The following INTS13 variants were observed in gnomAD, a reference collection of about 807,000 sequenced individuals.
The protein encoded by INTS13 is asunder, spermatogenesis regulator homolog (Drosphila).
Under a neutral mutation model 90.2 loss-of-function variants are expected in INTS13, and 35 were observed. The observed-to-expected ratio is 0.39, with a 90% confidence interval of 0.30 to 0.51. The LOEUF is 0.51. Among genes scored for constraint, INTS13 ranks in the 20% least tolerant of loss-of-function variants. The pLI is 0.80. For synonymous variants in INTS13, 309 were observed against 277.1 expected (o/e 1.11, Z -1.14); for missense variants, 601 against 851.2 (o/e 0.71, Z 3.66).
chr12:26,919,740 T>C (rs886579306), intron 8 of INTS13, among the ~76,000 whole-genome samples: 6 of 150,860 alleles, frequency 4.0e-5, no homozygotes, highest in African/African-American at 1.5e-4. Flanking sequence ...ACAGACTAGT[T>C]CAGGTGGCAA....
At chr12:26,905,969 T>C (rs1288555119) in intron 16 of INTS13, among the ~76,000 whole-genome samples, 1 of 152,212 alleles carries the variant, frequency 6.6e-6, no homozygotes, top group Non-Finnish European at 1.5e-5. Context: ...TCAATATTCT[T>C]AATATTGTAT....
At position 26,928,294 on chromosome 12, in the gene INTS13, T is replaced by A. The variant is rs767136321; in HGVS notation, c.504-9A>T. 1 of 1,599,314 alleles carries A rather than the reference T, an allele frequency of 6.3e-7. No homozygotes were observed. Among genetic ancestry groups the A allele is most frequent in the African/African-American group, 1.3e-5 (1 of 74,782 alleles). On this transcript the variant is annotated splice_polypyrimidine_tract_variant and intron_variant, in intron 4 of 16. Coordinates refer to ENST00000261191, the MANE Select transcript of INTS13 (RefSeq NM_018164.3). Reference sequence around the variant, plus strand: ...TTCGCACATGACTATCACTATGGCATAAAAAAGATATAGCAAATTTAAAGG... The same window carrying A: ...TTCGCACATGACTATCACTATGGCAAAAAAAAGATATAGCAAATTTAAAGG...
At chr12:26,909,283 C>A (rs1324495527) in intron 15 of INTS13, among the ~76,000 whole-genome samples, 1 of 152,120 alleles carries the variant, frequency 6.6e-6, no homozygotes, top group African/African-American at 2.4e-5. Context: ...ATCACTTGAA[C>A]CCAAGAGGCA....
Position 26,913,511 on chromosome 12 carries a change from G to T in INTS13, c.1751C>A (p.Ser584Ter). 1 of 1,614,072 alleles carries T rather than the reference G, an allele frequency of 6.2e-7. No individual in the cohort carries two copies. Among genetic ancestry groups the T allele is most frequent in the South Asian group, 1.1e-5 (1 of 91,068 alleles). Reference protein sequence around the residue: ...GRKREDKEDKSEKAVKDYEQE... With the variant: ...GRKREDKEDK ...TTCATAATCTTTCACTGCTTTCTCT[G>T]ACTTGTCCTCTTTGTCTTCCCTCTT... The change falls in exon 14 of 17, where the codon TCA becomes TAA. Residue 584 changes from serine (S) to a stop codon, truncating the protein, a stop_gained. Transcript: ENST00000261191. LOFTEE classifies it high-confidence loss of function.
intron 8 of INTS13, among the ~76,000 whole-genome samples, chr12:26,918,850 G>T (rs1010246192): frequency 2.6e-5 from 4 of 152,186 alleles, no homozygotes; most frequent in African/African-American, 7.2e-5. Context: ...ACTGGTCTGA[G>T]TTATAAGGGT....
intron 15 of INTS13, among the ~76,000 whole-genome samples, chr12:26,906,917 GT>G (rs1398164644): frequency 6.6e-6 from 1 of 152,184 alleles, no homozygotes; most frequent in African/African-American, 2.4e-5. Flanking sequence ...AGAGTCCAGG[GT>G]TTTTACTGGG....
At chr12:26,918,227 A>G (rs1361781979) in intron 8 of INTS13, among the ~76,000 whole-genome samples, 2 of 152,146 alleles carry the variant, frequency 1.3e-5, no homozygotes, top group Admixed American at 1.3e-4. Context: ...ATTTTTCTGT[A>G]AATCTGAAAC....
chr12:26,925,052 C>T (rs1304950385), intron 6 of INTS13, among the ~76,000 whole-genome samples: 1 of 152,024 alleles, frequency 6.6e-6, no homozygotes, highest in Non-Finnish European at 1.5e-5. Context: ...ATAAAACTAA[C>T]ATTGCCACAT....
intron 8 of INTS13, among the ~76,000 whole-genome samples, chr12:26,919,738 G>A (rs1419361868): frequency 2.6e-5 from 4 of 151,214 alleles, no homozygotes; most frequent in Admixed American, 6.6e-5. Flanking sequence ...AAACAGACTA[G>A]TTCAGGTGGC....
chr12:26,905,458 T>C lies in INTS13; in HGVS notation c.*39A>G. On this transcript the variant is annotated 3_prime_UTR_variant, in exon 17 of 17. Coordinates refer to ENST00000261191, the MANE Select transcript of INTS13 (RefSeq NM_018164.3). ...CTTATATCGAATTCCGCACAAAATA[T>C]TTTTGCAATATGCTAAATTTAGTTC... 6.3e-7 allele frequency: 1 copy of C among 1,595,538 alleles called. No individual in the cohort carries two copies. The highest frequency in any genetic ancestry group is 8.6e-7 in the Non-Finnish European group (1 of 1,167,428).
In INTS13 at chr12:26,921,382, T is replaced by C. The variant is rs529312309; in HGVS notation, c.889+1234A>G. On this transcript the variant is annotated intron_variant, in intron 8 of 16. Coordinates refer to ENST00000261191, the MANE Select transcript of INTS13 (RefSeq NM_018164.3). Reference sequence around the variant, plus strand: ...TCCTATTCTTTTCCCTTCCTCAAGGTTGTTTGCCTGCAAATGAAACTGTAA... The same window carrying C: ...TCCTATTCTTTTCCCTTCCTCAAGGCTGTTTGCCTGCAAATGAAACTGTAA... Among the ~76,000 whole-genome samples the C allele has an allele frequency of 7.2e-5, 11 of 152,344 alleles. No individual in the cohort carries two copies. The South Asian group carries it at 1.2e-3, about 17-fold the overall frequency.
Position 26,906,370 on chromosome 12 carries a change from T to C in INTS13, c.2013A>G (p.Glu671=), listed in dbSNP as rs529453556. The C allele has an allele frequency of 2.0e-5, 32 of 1,613,200 alleles. 1 individual carries two copies. The South Asian group carries it at 2.6e-4, about 13-fold the overall frequency. The change falls in exon 16 of 17, where the codon GAA becomes GAG. Residue 671 remains glutamate (E), a synonymous_variant. Transcript: ENST00000261191. The stretch of plus-strand genomic sequence containing the variant: ...TAACAGAGTTCAAACGTCCAGCAAA[T>C]TCCTGATGTTTTCTGGAATTGGCAG... ...INTANSRKHQ[E]FAGRLNSVNN... is the part of the protein sequence containing the mutation.
intron 3 of INTS13, among the ~76,000 whole-genome samples, chr12:26,930,923 T>G (rs1176079688): frequency 6.6e-6 from 1 of 152,164 alleles, no homozygotes; most frequent in Non-Finnish European, 1.5e-5. Context: ...CAGGTAATAG[T>G]ATATTAAGAA....
At chr12:26,912,027 T>C (rs1951790124) in intron 14 of INTS13, among the ~76,000 whole-genome samples, 6 of 152,152 alleles carry the variant, frequency 3.9e-5, no homozygotes, top group Non-Finnish European at 7.4e-5. Flanking sequence ...GTAAAGGTAG[T>C]GGATGAAGAT....
chr12:26,921,702 T>C (rs894459473), intron 8 of INTS13, among the ~76,000 whole-genome samples: 3 of 152,112 alleles, frequency 2.0e-5, no homozygotes, highest in African/African-American at 7.2e-5. Flanking sequence ...GTTGCCCAGG[T>C]TGGGGTGTAG....
chr12:26,936,785 A>T lies in INTS13; in HGVS notation c.19T>A (p.Ser7Thr). 6.2e-7 allele frequency: 1 copy of T among 1,613,076 alleles called. No homozygotes were observed. The highest frequency in any genetic ancestry group is 8.5e-7 in the Non-Finnish European group (1 of 1,179,144). MKIFSE[S>T]HKTVFVVDHC... ...TCCACAACAAACACTGTTTTATGAG[A>T]TTCAGAAAAAATCTTCATTTTGTTT... is the stretch of plus-strand genomic sequence containing the variant. Residue 7 changes from serine to threonine, a missense_variant, in exon 2 of 17, where the codon TCT (serine) becomes ACT (threonine). Transcript: ENST00000261191.
chr12:26,929,452 G>A (rs1029998032), intron 3 of INTS13, among the ~76,000 whole-genome samples: 5 of 152,048 alleles, frequency 3.3e-5, no homozygotes, highest in Non-Finnish European at 7.4e-5. Flanking sequence ...CAAGCCCAGC[G>A]GCTCATGCCT....
intron 2 of INTS13, 33 bp downstream of exon 2, chr12:26,936,546 A>AAAATCATG (rs757942224): frequency 6.6e-7 from 1 of 1,507,740 alleles, no homozygotes; most frequent in Admixed American, 1.7e-5. Context: ...GTACATCCCC[A>AAAATCATG]AAATCATGAT....
chr12:26,918,583 G>A lies in INTS13; in HGVS notation c.890-850C>T, dbSNP rs561040459. On this transcript the variant is annotated intron_variant, in intron 8 of 16. Transcript: ENST00000261191. ...CACTATTAAATGATAAAATGACATGGTTAAGTACTCAGAAAAAGCTTAAGG... is the reference window on the plus strand; with the variant it reads ...CACTATTAAATGATAAAATGACATGATTAAGTACTCAGAAAAAGCTTAAGG... Among the ~76,000 whole-genome samples the A allele has an allele frequency of 2.0e-5, 3 of 152,286 alleles. 1 individual carries two copies. The South Asian group carries it at 6.2e-4, about 32-fold the overall frequency.
Sources: gnomAD v4.1 joint callset for allele counts (sites outside exome capture counted in the v4.1 genomes callset) on GRCh38, gnomAD v4.1.1 for gene constraint, MANE v1.5 for transcripts, NCBI Gene and HGNC (gene_info 2026-07-23, HGNC 2026-07-21) for gene names.